CDK5R2: variants seen among roughly 807,000 people sequenced by gnomAD.
CDK5R2 encodes the protein cyclin dependent kinase 5 regulatory subunit 2.
Under a neutral mutation model 23.1 loss-of-function variants are expected in CDK5R2, and 7 were observed. That is an observed-to-expected ratio of 0.30 (90% confidence interval 0.17 to 0.57). The LOEUF is 0.57. CDK5R2 is among the 20% of genes least tolerant of loss of function. The pLI, the probability that CDK5R2 is intolerant of heterozygous loss-of-function variation, is 0.91. For synonymous variants in CDK5R2, 242 were observed against 264.9 expected, an observed-to-expected ratio of 0.91 and a Z score of 0.84; for missense variants, 380 against 537.6, an observed-to-expected ratio of 0.71 and a Z score of 2.90.
chr2:218,961,412 T>A lies in CDK5R2; in HGVS notation c.*488T>A. The A allele has an allele frequency of 5.9e-6, 1 of 170,014 alleles. No individual in the cohort carries two copies. Among genetic ancestry groups the A allele is most frequent in the Non-Finnish European group, 1.4e-5 (1 of 70,268 alleles). The allele number at this position is 170,014 out of a possible 1,614,324, so 10.5% of individuals were successfully genotyped here. The stretch of plus-strand genomic sequence containing the variant: ...CTGCATCTCCATCTTACCCCTTGCC[T>A]GACTGTACCCCGTAGACCCCTGTTT... On this transcript the variant is annotated 3_prime_UTR_variant, in exon 1 of 1. Transcript: ENST00000302625. This position sits in a 1 kb window ranked among gnomAD's most constrained non-coding sequence, Gnocchi z 4.4.
At position 218,961,229 on chromosome 2, in the gene CDK5R2, A is replaced by T. The variant is rs34120625; in HGVS notation, c.*305A>T. On this transcript the variant is annotated 3_prime_UTR_variant, in exon 1 of 1. Coordinates refer to ENST00000302625, the MANE Select transcript of CDK5R2 (RefSeq NM_003936.5). This position sits in a 1 kb window ranked among gnomAD's most constrained non-coding sequence, Gnocchi z 4.4. ...GGGGTCTCCCCCTTCCCTTCAGCCCATTCCCCCTCGGTTTTATCCATTTCC... is the reference window on the plus strand; with the variant it reads ...GGGGTCTCCCCCTTCCCTTCAGCCCTTTCCCCCTCGGTTTTATCCATTTCC... 6.7e-5 allele frequency: 23 copies of T among 342,276 alleles called. No homozygotes were observed. Among genetic ancestry groups the T allele is most frequent in the African/African-American group, 4.7e-4 (22 of 46,316 alleles). The allele number at this position is 342,276 out of a possible 1,614,324, so 21.2% of individuals were successfully genotyped here. A position where few individuals can be genotyped will look rare whatever the true frequency, so the allele number is the denominator to read the frequency against.
rs1475778454 is a variant in CDK5R2 at position 218,960,221 on chromosome 2, C to T, written c.401C>T (p.Thr134Ile). Residue 134 changes from threonine (T) to isoleucine (I), a missense_variant, in exon 1 of 1, where the codon ACC becomes ATC. Thr to Ile is a moderately conservative substitution (Grantham distance 89). Around this residue, in one of 3 missense-constraint regions of CDK5R2, gnomAD observed 197 missense variants for 246.4 expected, o/e 0.80. Coordinates refer to ENST00000302625, the MANE Select transcript of CDK5R2 (RefSeq NM_003936.5). ...CCCACCGTGCCCGCGGCTGCCGCCA[C>T]CTGCGAGCCACCGTCGGGGGGCAGC... ...PVPTVPAAAA[T>I]CEPPSGGSAA... 1 of 1,393,666 alleles carries T rather than the reference C, an allele frequency of 7.2e-7. No individual in the cohort carries two copies. The highest frequency in any genetic ancestry group is 9.3e-7 in the Non-Finnish European group (1 of 1,078,396). The allele number at this position is 1,393,666 out of a possible 1,614,324, so 86.3% of individuals were successfully genotyped here.
In CDK5R2 at chr2:218,960,115, C is replaced by T; in HGVS notation, c.295C>T (p.Arg99Cys). 6.3e-7 allele frequency: 1 copy of T among 1,596,726 alleles called. No individual in the cohort carries two copies. Among genetic ancestry groups the T allele is most frequent in the Non-Finnish European group, 8.5e-7 (1 of 1,173,324 alleles). ...STGPDPLVQQ[R>C]NRENLLRKGR... ...GGGCCCCGACCCCCTGGTCCAGCAACGCAACCGCGAGAACCTTCTCCGCAA... is the reference window on the plus strand; with the variant it reads ...GGGCCCCGACCCCCTGGTCCAGCAATGCAACCGCGAGAACCTTCTCCGCAA... The change falls in exon 1 of 1, where the codon CGC becomes TGC. Residue 99 changes from arginine (R) to cysteine (C), a missense_variant. Physicochemically the swap from Arg to Cys is radical, Grantham distance 180. Coordinates refer to ENST00000302625, the MANE Select transcript of CDK5R2 (RefSeq NM_003936.5).
chr2:218,960,163 G>A lies in CDK5R2; in HGVS notation c.343G>A (p.Gly115Ser), dbSNP rs776489160. Residue 115 changes from glycine to serine, a missense_variant, in exon 1 of 1, where the codon GGC (glycine) becomes AGC (serine). By Grantham distance (56) the Gly-to-Ser change is moderately conservative. Around this residue, in one of 3 missense-constraint regions of CDK5R2, gnomAD observed 197 missense variants for 246.4 expected, o/e 0.80. Coordinates refer to ENST00000302625, the MANE Select transcript of CDK5R2 (RefSeq NM_003936.5). ...CAAGGGCCGGGATCCCCCCGACGGC[G>A]GCGGCACCGCCAAGCCCCTGGCGGT... ...LRKGRDPPDG[G>S]GTAKPLAVPV... 1 of 1,544,748 alleles carries A rather than the reference G, an allele frequency of 6.5e-7. No homozygotes were observed. Among genetic ancestry groups the A allele is most frequent in the Admixed American group, 2.0e-5 (1 of 51,048 alleles).
In CDK5R2 at chr2:218,961,440, C is replaced by T. The variant is rs1448785053; in HGVS notation, c.*516C>T. 4 of 168,840 alleles carry T rather than the reference C, an allele frequency of 2.4e-5. No individual in the cohort carries two copies. The highest frequency in any genetic ancestry group is 1.9e-4 in the East Asian group (1 of 5,188). The allele number at this position is 168,840 out of a possible 1,614,324, so 10.5% of individuals were successfully genotyped here. On this transcript the variant is annotated 3_prime_UTR_variant, in exon 1 of 1. Transcript: ENST00000302625. This position sits in a 1 kb window ranked among gnomAD's most constrained non-coding sequence, Gnocchi z 4.4. ...CTGTACCCCGTAGACCCCTGTTTCT[C>T]CTCCTGCACCTGTGTCCCCATCTGC...
At position 218,959,848 on chromosome 2, in the gene CDK5R2, G is replaced by A. The variant is rs893709658; in HGVS notation, c.28G>A (p.Ala10Thr). The A allele has an allele frequency of 3.5e-6, 5 of 1,415,326 alleles. No individual in the cohort carries two copies. The African/African-American group carries it at 6.0e-5, about 17-fold the overall frequency. The allele number at this position is 1,415,326 out of a possible 1,614,324, so 87.7% of individuals were successfully genotyped here. Residue 10 changes from alanine (A) to threonine (T), a missense_variant, in exon 1 of 1, where the codon GCC (alanine) becomes ACC (threonine). Physicochemically the swap from Ala to Thr is moderately conservative, Grantham distance 58 (BLOSUM62 0). Transcript: ENST00000302625. The surrounding 1 kb of genome is among the most constrained non-coding windows in gnomAD (Gnocchi z 4.0). MGTVLSLSP[A>T]SSAKGRRPGG... ...GGGCACAGTGCTGTCTCTTTCGCCTGCCTCCTCGGCCAAGGGCCGGAGGCC... is the reference window on the plus strand; with the variant it reads ...GGGCACAGTGCTGTCTCTTTCGCCTACCTCCTCGGCCAAGGGCCGGAGGCC...
In CDK5R2 at chr2:218,960,885, G is replaced by C. The variant is rs981601355; in HGVS notation, c.1065G>C (p.Ala355=). The change falls in exon 1 of 1, where the codon GCG becomes GCC. Residue 355 remains alanine (A), a synonymous_variant. Coordinates refer to ENST00000302625, the MANE Select transcript of CDK5R2 (RefSeq NM_003936.5). ...AASSAARDSC[A]AGTKHWTMNL... is the part of the protein sequence containing the mutation. ...CCTCGGCCGCCAGGGACAGCTGCGC[G>C]GCCGGAACCAAGCACTGGACTATGA... 6.8e-7 allele frequency: 1 copy of C among 1,473,042 alleles called. No homozygotes were observed. Among genetic ancestry groups the C allele is most frequent in the Non-Finnish European group, 8.9e-7 (1 of 1,124,234 alleles). 91.2% of individuals were successfully genotyped at this position (1,473,042 alleles called of 1,614,324 possible).
rs1047684405 is a variant in CDK5R2, at chr2:218,961,243, T to G, written c.*319T>G. On this transcript the variant is annotated 3_prime_UTR_variant, in exon 1 of 1. Transcript: ENST00000302625. The surrounding 1 kb of genome is among the most constrained non-coding windows in gnomAD (Gnocchi z 4.4). Reference sequence around the variant, plus strand: ...CCCTTCAGCCCATTCCCCCTCGGTTTTATCCATTTCCTTGCCTCCTTTTTG... The same window carrying G: ...CCCTTCAGCCCATTCCCCCTCGGTTGTATCCATTTCCTTGCCTCCTTTTTG... 8.5e-5 allele frequency: 27 copies of G among 318,066 alleles called. No individual in the cohort carries two copies. The highest frequency in any genetic ancestry group is 5.9e-4 in the African/African-American group (27 of 46,118). The allele number at this position is 318,066 out of a possible 1,614,324, so 19.7% of individuals were successfully genotyped here.
rs1388191756 is a variant in CDK5R2 at position 218,961,112 on chromosome 2, G to A, written c.*188G>A. The A allele has an allele frequency of 2.3e-6, 1 of 440,210 alleles. No individual in the cohort carries two copies. Among genetic ancestry groups the A allele is most frequent in the Non-Finnish European group, 4.0e-6 (1 of 246,956 alleles). 27.3% of individuals were successfully genotyped at this position (440,210 alleles called of 1,614,324 possible). A position where few individuals can be genotyped will look rare whatever the true frequency, so the allele number is the denominator to read the frequency against. The stretch of plus-strand genomic sequence containing the variant: ...AGAGGCCGCGGTGTTTGGATTTGCT[G>A]GGCGTGGAGTGGGGACGGAAGATGA... On this transcript the variant is annotated 3_prime_UTR_variant, in exon 1 of 1. Coordinates refer to ENST00000302625, the MANE Select transcript of CDK5R2 (RefSeq NM_003936.5). The surrounding 1 kb of genome is among the most constrained non-coding windows in gnomAD (Gnocchi z 4.4).
rs983679994 is a variant in CDK5R2 at position 218,960,207 on chromosome 2, C to T, written c.387C>T (p.Pro129=). ...TGGCGGTGCCAGTGCCCACCGTGCC[C>T]GCGGCTGCCGCCACCTGCGAGCCAC... ...KPLAVPVPTV[P]AAAATCEPPS... The change falls in exon 1 of 1, where the codon CCC becomes CCT. Residue 129 remains proline, a synonymous_variant. Transcript: ENST00000302625. 7 of 1,414,794 alleles carry T rather than the reference C, an allele frequency of 4.9e-6. No individual in the cohort carries two copies. The Admixed American group carries it at 9.8e-5, about 20-fold the overall frequency. The allele number at this position is 1,414,794 out of a possible 1,614,324, so 87.6% of individuals were successfully genotyped here. A position where few individuals can be genotyped will look rare whatever the true frequency, so the allele number is the denominator to read the frequency against.
In CDK5R2 at chr2:218,960,273, CG is replaced by C; in HGVS notation, c.458del (p.Gly153GlufsTer52). ...SAAAQPPGSG[G>X]GKPPPPPPPA... ...CGGCCGCTCAGCCGCCGGGCTCGGG[CG>C]GGGGAAAGCCTCCGCCGCCGCCTCC... is the stretch of plus-strand genomic sequence containing the variant. On this transcript the variant is annotated frameshift_variant, in exon 1 of 1. Transcript: ENST00000302625. LOFTEE classifies it high-confidence loss of function. 1 of 1,291,172 alleles carries C rather than the reference CG, an allele frequency of 7.7e-7. No homozygotes were observed. Among genetic ancestry groups the C allele is most frequent in the South Asian group, 2.6e-5 (1 of 37,768 alleles). The allele number at this position is 1,291,172 out of a possible 1,614,324, so 80.0% of individuals were successfully genotyped here. A position where few individuals can be genotyped will look rare whatever the true frequency, so the allele number is the denominator to read the frequency against.
Position 218,961,368 on chromosome 2 carries a change from G to T in CDK5R2, c.*444G>T. 1 of 168,300 alleles carries T rather than the reference G, an allele frequency of 5.9e-6. No individual in the cohort carries two copies. The highest frequency in any genetic ancestry group is 1.4e-5 in the Non-Finnish European group (1 of 72,226). 10.4% of individuals were successfully genotyped at this position (168,300 alleles called of 1,614,324 possible). ...CCCTCTCCCTGCCTTTCCATTTTCC[G>T]TTCCTTGGGTTTGTGTGTCTGCATC... On this transcript the variant is annotated 3_prime_UTR_variant, in exon 1 of 1. Transcript: ENST00000302625. The surrounding 1 kb of genome is among the most constrained non-coding windows in gnomAD (Gnocchi z 4.4).
rs914957974 is a variant in CDK5R2 at position 218,960,984 on chromosome 2, C to T, written c.*60C>T. 5 of 902,030 alleles carry T rather than the reference C, an allele frequency of 5.5e-6. No homozygotes were observed. Among genetic ancestry groups the T allele is most frequent in the Admixed American group, 3.5e-5 (1 of 28,370 alleles). 55.9% of individuals were successfully genotyped at this position (902,030 alleles called of 1,614,324 possible). ...GCCCCTGACACACACTCGGACCCCC[C>T]GGGACCACAAAGCCACCGCCGCTGT... On this transcript the variant is annotated 3_prime_UTR_variant, in exon 1 of 1. Coordinates refer to ENST00000302625, the MANE Select transcript of CDK5R2 (RefSeq NM_003936.5).
At position 218,961,850 on chromosome 2, in the gene CDK5R2, ACTT is replaced by A. The variant is rs1286092114; in HGVS notation, c.*930_*932del. The A allele has an allele frequency of 1.8e-5, 3 of 166,804 alleles. No homozygotes were observed. Among genetic ancestry groups the A allele is most frequent in the African/African-American group, 4.8e-5 (2 of 41,326 alleles). The allele number at this position is 166,804 out of a possible 1,614,324, so 10.3% of individuals were successfully genotyped here. On this transcript the variant is annotated 3_prime_UTR_variant, in exon 1 of 1. Transcript: ENST00000302625. This position sits in a 1 kb window ranked among gnomAD's most constrained non-coding sequence, Gnocchi z 4.4. ...AGTGGACAGGTGGGAGGAAAAGAAA[ACTT>A]CTTACCTTGGAGGAGGGACATCCCG...
chr2:218,960,202 G>T lies in CDK5R2; in HGVS notation c.382G>T (p.Val128Leu), dbSNP rs529211330. The T allele has an allele frequency of 1.0e-5, 15 of 1,434,174 alleles. No individual in the cohort carries two copies. In the African/African-American group the frequency reaches 1.8e-4, roughly 17 times the overall value. 88.8% of individuals were successfully genotyped at this position (1,434,174 alleles called of 1,614,324 possible). A position where few individuals can be genotyped will look rare whatever the true frequency, so the allele number is the denominator to read the frequency against. ...AKPLAVPVPT[V>L]PAAAATCEPP... Reference sequence around the variant, plus strand: ...GCCCCTGGCGGTGCCAGTGCCCACCGTGCCCGCGGCTGCCGCCACCTGCGA... The same window carrying T: ...GCCCCTGGCGGTGCCAGTGCCCACCTTGCCCGCGGCTGCCGCCACCTGCGA... The change falls in exon 1 of 1, where the codon GTG (valine) becomes TTG (leucine). Residue 128 changes from valine (V) to leucine (L), a missense_variant. Val to Leu is a conservative substitution (Grantham distance 32). Transcript: ENST00000302625.
rs1183607012 is a variant in CDK5R2 at position 218,961,675 on chromosome 2, C to T, written c.*751C>T. The T allele has an allele frequency of 1.8e-5, 3 of 167,158 alleles. No homozygotes were observed. The highest frequency in any genetic ancestry group is 7.2e-5 in the African/African-American group (3 of 41,436). 10.4% of individuals were successfully genotyped at this position (167,158 alleles called of 1,614,324 possible). ...CCAGACAGCCACCAGGATGGTCCCT[C>T]GCCCCACCCCCACCGCCTCTCCCCA... On this transcript the variant is annotated 3_prime_UTR_variant, in exon 1 of 1. Coordinates refer to ENST00000302625, the MANE Select transcript of CDK5R2 (RefSeq NM_003936.5). The surrounding 1 kb of genome is among the most constrained non-coding windows in gnomAD (Gnocchi z 4.4).
Position 218,960,894 on chromosome 2 carries a change from C to T in CDK5R2, c.1074C>T (p.Thr358=), listed in dbSNP as rs1364250388. Reference sequence around the variant, plus strand: ...CCAGGGACAGCTGCGCGGCCGGAACCAAGCACTGGACTATGAACCTGGACC... The same window carrying T: ...CCAGGGACAGCTGCGCGGCCGGAACTAAGCACTGGACTATGAACCTGGACC... ...SAARDSCAAG[T]KHWTMNLDR is the part of the protein sequence containing the mutation. Residue 358 remains threonine (T), a synonymous_variant, in exon 1 of 1, where the codon ACC becomes ACT. Coordinates refer to ENST00000302625, the MANE Select transcript of CDK5R2 (RefSeq NM_003936.5). The T allele has an allele frequency of 6.8e-7, 1 of 1,471,620 alleles. No individual in the cohort carries two copies. Among genetic ancestry groups the T allele is most frequent in the African/African-American group, 1.5e-5 (1 of 67,350 alleles). The allele number at this position is 1,471,620 out of a possible 1,614,324, so 91.2% of individuals were successfully genotyped here.
In CDK5R2 at chr2:218,959,794, GC is replaced by G. The variant is rs1945187573; in HGVS notation, c.-25del. On this transcript the variant is annotated 5_prime_UTR_variant, in exon 1 of 1. Coordinates refer to ENST00000302625, the MANE Select transcript of CDK5R2 (RefSeq NM_003936.5). This position sits in a 1 kb window ranked among gnomAD's most constrained non-coding sequence, Gnocchi z 4.0. ...GGCGCCGCCCGCGGCTCCCGCTGGG[GC>G]CTGGGCGCCGGCCCCGCTCTGCAGG... is the stretch of plus-strand genomic sequence containing the variant. 5.6e-6 allele frequency: 7 copies of G among 1,249,114 alleles called. No homozygotes were observed. The highest frequency in any genetic ancestry group is 7.0e-6 in the Non-Finnish European group (7 of 999,530). The allele number at this position is 1,249,114 out of a possible 1,614,324, so 77.4% of individuals were successfully genotyped here. A position where few individuals can be genotyped will look rare whatever the true frequency, so the allele number is the denominator to read the frequency against.
Position 218,960,681 on chromosome 2 carries a change from G to A in CDK5R2, c.861G>A (p.Glu287=). 1 of 1,614,000 alleles carries A rather than the reference G, an allele frequency of 6.2e-7. No homozygotes were observed. Among genetic ancestry groups the A allele is most frequent in the Non-Finnish European group, 8.5e-7 (1 of 1,179,930 alleles). The change falls in exon 1 of 1, where the codon GAG becomes GAA. Residue 287 remains glutamate, a synonymous_variant. Coordinates refer to ENST00000302625, the MANE Select transcript of CDK5R2 (RefSeq NM_003936.5). ...ACCCACTCAAGCCCTTCCTCGTGGA[G>A]CCCGACAAGGAGCGCTTCTGGCAGC... ...ISYPLKPFLV[E]PDKERFWQRC... is the part of the protein sequence containing the mutation.
Sources: allele counts gnomAD v4.1 joint callset, GRCh38; gene constraint gnomAD v4.1.1; regional missense constraint gnomAD v4.1.1; non-coding constraint Gnocchi (gnomAD v3.1); transcripts MANE v1.5; gene names NCBI Gene and HGNC (gene_info 2026-07-23, HGNC 2026-07-21).